WASL: variants seen among roughly 807,000 people sequenced by gnomAD.
The protein encoded by WASL is WASP like actin nucleation promoting factor.
A neutral mutation model predicts 55.5 loss-of-function variants in WASL; 20 were observed. The ratio of observed to expected loss-of-function variants is 0.36; its 90% CI spans 0.25 to 0.52. The LOEUF is 0.52. Among genes scored for constraint, WASL ranks in the 20% least tolerant of loss-of-function variants. WASL has a pLI of 0.92. For synonymous variants in WASL, 249 were observed against 217.6 expected, an observed-to-expected ratio of 1.14 and a Z score of -1.27; for missense variants, 504 against 622.5, an observed-to-expected ratio of 0.81 and a Z score of 2.03.
intron 7 of WASL, among the ~76,000 whole-genome samples, chr7:123,695,106 C>A (rs1238042100): frequency 6.6e-6 from 1 of 152,022 alleles, no homozygotes; most frequent in Non-Finnish European, 1.5e-5. Context: ...TTTCTATTAG[C>A]CTATTCATGA....
chr7:123,690,863 T>G (rs1209957870), intron 9 of WASL, among the ~76,000 whole-genome samples: 2 of 152,158 alleles, frequency 1.3e-5, no homozygotes, highest in African/African-American at 4.8e-5. Flanking sequence ...ACACAGGAAC[T>G]AGCAGAGATT....
chr7:123,692,493 T>G lies in WASL; in HGVS notation c.1201A>C (p.Thr401Pro). The G allele has an allele frequency of 5.0e-6, 8 of 1,614,080 alleles. No individual in the cohort carries two copies. Among genetic ancestry groups the G allele is most frequent in the Non-Finnish European group, 6.8e-6 (8 of 1,180,030 alleles). Residue 401 changes from threonine to proline, a missense_variant, in exon 9 of 11, where the codon ACT becomes CCT. By Grantham distance (38) the Thr-to-Pro change is conservative (BLOSUM62 -1). Coordinates refer to ENST00000223023, the MANE Select transcript of WASL (RefSeq NM_003941.4). Reference protein sequence around the residue: ...LPSDGDHQVPTTAGNKAALLD... With the variant: ...LPSDGDHQVPPTAGNKAALLD... The stretch of plus-strand genomic sequence containing the variant: ...AGAGCTGCTTTGTTTCCTGCAGTAG[T>G]TGGAACCTGATGGTCCCCATCAGAA...
At chr7:123,705,091 T>C (rs531902148) in intron 4 of WASL, among the ~76,000 whole-genome samples, 2 of 152,298 alleles carry the variant, frequency 1.3e-5, no homozygotes, top group African/African-American at 4.8e-5. Flanking sequence ...AGAAAAGAGA[T>C]AGTAAAAAGG....
At chr7:123,727,564 T>C (rs751258026) in intron 1 of WASL, among the ~76,000 whole-genome samples, 8 of 152,248 alleles carry the variant, frequency 5.3e-5, no homozygotes, top group East Asian at 1.9e-4. Flanking sequence ...AAAACGTATA[T>C]ACTGAGTGAA....
At chr7:123,724,200 C>T (rs1804003944) in intron 1 of WASL, among the ~76,000 whole-genome samples, 1 of 152,174 alleles carries the variant, frequency 6.6e-6, no homozygotes, top group African/African-American at 2.4e-5. Context: ...CCAAACTCTT[C>T]TTCAAGAATT....
chr7:123,748,750 G>C lies in WASL; in HGVS notation c.-16C>G. The C allele has an allele frequency of 6.4e-7, 1 of 1,564,140 alleles. No individual in the cohort carries two copies. Among genetic ancestry groups the C allele is most frequent in the Non-Finnish European group, 8.6e-7 (1 of 1,156,880 alleles). ...CGGAGCTCATGGTTTCGCCGGCGGG[G>C]TTGGGAGTCCAGGGCCGTCTCCTCC... On this transcript the variant is annotated 5_prime_UTR_variant, in exon 1 of 11. Coordinates refer to ENST00000223023, the MANE Select transcript of WASL (RefSeq NM_003941.4).
chr7:123,724,519 T>C (rs994267423), intron 1 of WASL, among the ~76,000 whole-genome samples: 2 of 152,166 alleles, frequency 1.3e-5, no homozygotes, highest in Non-Finnish European at 2.9e-5. Context: ...TAAGTTCCCA[T>C]GTAGGGTTTG....
chr7:123,696,282 A>G (rs1384800040), intron 6 of WASL, among the ~76,000 whole-genome samples: 1 of 152,068 alleles, frequency 6.6e-6, no homozygotes, highest in African/African-American at 2.4e-5. Flanking sequence ...CTATTTTTAG[A>G]GCAAAGTGAG....
At chr7:123,725,101 A>G (rs961909371) in intron 1 of WASL, among the ~76,000 whole-genome samples, 2 of 152,230 alleles carry the variant, frequency 1.3e-5, no homozygotes, top group Non-Finnish European at 2.9e-5. Context: ...TTTTCCCACT[A>G]ATTTTCAAAG....
intron 5 of WASL, among the ~76,000 whole-genome samples, chr7:123,702,741 T>G (rs1246610260): frequency 6.6e-6 from 1 of 152,202 alleles, no homozygotes; most frequent in Non-Finnish European, 1.5e-5. Context: ...TACAGAGGAT[T>G]TAAAGCATAT....
intron 1 of WASL, among the ~76,000 whole-genome samples, chr7:123,730,164 A>C (rs1224172983): frequency 6.6e-6 from 1 of 152,224 alleles, no homozygotes; most frequent in African/African-American, 2.4e-5. Context: ...TTTTCAACTG[A>C]AAATTGAAGA....
intron 5 of WASL, among the ~76,000 whole-genome samples, chr7:123,704,240 A>T (rs1468825637): frequency 6.6e-6 from 1 of 152,192 alleles, no homozygotes; most frequent in East Asian, 1.9e-4. Flanking sequence ...GTAAATCTTA[A>T]AGTAGGACAT....
Position 123,692,736 on chromosome 7 carries a change from C to T in WASL, c.958G>A (p.Ala320Thr). The T allele has an allele frequency of 6.6e-7, 1 of 1,510,194 alleles. No homozygotes were observed. The highest frequency in any genetic ancestry group is 8.8e-7 in the Non-Finnish European group (1 of 1,131,640). The allele number at this position is 1,510,194 out of a possible 1,614,324, so 93.5% of individuals were successfully genotyped here. A position where few individuals can be genotyped will look rare whatever the true frequency, so the allele number is the denominator to read the frequency against. The change falls in exon 9 of 11, where the codon GCT becomes ACT. Residue 320 changes from alanine to threonine, a missense_variant. Transcript: ENST00000223023. ...GAAGGAGGCGGTGGTGGAGGTGCAG[C>T]TGTGGGAGCTCTTGAAGGTGGTGGG... is the stretch of plus-strand genomic sequence containing the variant. ...PPPPPSRAPT[A>T]APPPPPPSRP... is the part of the protein sequence containing the mutation.
intron 1 of WASL, among the ~76,000 whole-genome samples, chr7:123,738,833 G>A (rs1307949800): frequency 6.6e-6 from 1 of 151,886 alleles, no homozygotes; most frequent in Non-Finnish European, 1.5e-5. Flanking sequence ...GAATTGTCTT[G>A]AGTCACACAC....
chr7:123,693,565 T>C (rs1234374454), intron 8 of WASL, among the ~76,000 whole-genome samples: 4 of 152,258 alleles, frequency 2.6e-5, no homozygotes, highest in Non-Finnish European at 4.4e-5. Context: ...TAACTGAGAA[T>C]TTCCATACAC....
At chr7:123,717,141 GGAGA>G (rs1584866395) in intron 1 of WASL, among the ~76,000 whole-genome samples, 1 of 152,120 alleles carries the variant, frequency 6.6e-6, no homozygotes, top group African/African-American at 2.4e-5. Context: ...TGGCAGGGAG[GGAGA>G]GTTTGTGGTA....
intron 1 of WASL, among the ~76,000 whole-genome samples, chr7:123,719,521 C>A (rs1378396237): frequency 2.0e-5 from 3 of 152,162 alleles, no homozygotes; most frequent in African/African-American, 7.2e-5. Context: ...GTCTGCCTTT[C>A]TTCATGGTCC....
At chr7:123,694,174 T>C (rs1261216199) in intron 8 of WASL, among the ~76,000 whole-genome samples, 1 of 152,128 alleles carries the variant, frequency 6.6e-6, no homozygotes, top group African/African-American at 2.4e-5. Context: ...TTATCTGCAT[T>C]TTACTGCAAT....
chr7:123,710,389 C>T (rs982922176), intron 1 of WASL, among the ~76,000 whole-genome samples: 11 of 151,724 alleles, frequency 7.3e-5, no homozygotes, highest in Admixed American at 3.9e-4. Context: ...CTTAGTTCAA[C>T]GGAATTTGGG....
Sources: gnomAD v4.1 joint callset for allele counts (sites outside exome capture counted in the v4.1 genomes callset) on GRCh38, gnomAD v4.1.1 for gene constraint, MANE v1.5 for transcripts, NCBI Gene and HGNC (gene_info 2026-07-23, HGNC 2026-07-21) for gene names.